C11orf58: variants seen among roughly 807,000 people sequenced by gnomAD.
C11orf58 encodes chromosome 11 open reading frame 58, also known as small acidic protein.
Under a neutral mutation model 22.7 loss-of-function variants are expected in C11orf58, and 5 were observed. The ratio of observed to expected loss-of-function variants is 0.22; its 90% CI spans 0.12 to 0.46. The LOEUF (loss-of-function observed/expected upper bound fraction) is 0.46. C11orf58 is among the 20% of genes least tolerant of loss of function. C11orf58 has a pLI of 0.99. For missense variants in C11orf58, 151 were observed against 223.3 expected (o/e 0.68, Z 2.06); for synonymous variants, 71 against 70.7 (o/e 1.00, Z -0.02).
intron 3 of C11orf58, chr11:16,751,726 C>G (rs1195582396): frequency 6.6e-6 from 1 of 152,286 alleles, no homozygotes; most frequent in African/African-American, 2.4e-5. Context: ...GGCACATGAT[C>G]ACCTATCTCA....
intron 2 of C11orf58, among the ~76,000 whole-genome samples, chr11:16,746,290 T>G (rs1848486748): frequency 6.6e-6 from 1 of 152,216 alleles, no homozygotes; most frequent in African/African-American, 2.4e-5. Context: ...TAATCGAGAT[T>G]TCCCAATTTG....
chr11:16,739,233 C>T (rs1008998684), intron 1 of C11orf58, among the ~76,000 whole-genome samples: 11 of 152,124 alleles, frequency 7.2e-5, no homozygotes, highest in African/African-American at 2.4e-4. Flanking sequence ...GTGACAATGT[C>T]GAAATGTTCG....
chr11:16,753,157 G>A (rs1326527081), intron 4 of C11orf58, among the ~76,000 whole-genome samples: 1 of 151,644 alleles, frequency 6.6e-6, no homozygotes, highest in African/African-American at 2.4e-5. Flanking sequence ...GTGGTGTGAT[G>A]TCTTCCACCT....
At position 16,744,608 on chromosome 11, in the gene C11orf58, C is replaced by G; in HGVS notation, c.71C>G (p.Ser24Cys). 6.2e-7 allele frequency: 1 copy of G among 1,613,430 alleles called. No individual in the cohort carries two copies. Among genetic ancestry groups the G allele is most frequent in the Non-Finnish European group, 8.5e-7 (1 of 1,179,718 alleles). Residue 24 changes from serine (S) to cysteine (C), a missense_variant, in exon 2 of 5, where the codon TCT becomes TGT. Transcript: ENST00000228136. ...RSASPDDDLG[S>C]SNWEAADLGN... ...AACCAATTTTTTTTCTAGCTGGGAT[C>G]TAGCAATTGGGAGGCAGCAGACTTG...
chr11:16,740,772 T>C (rs1848440966), intron 1 of C11orf58, among the ~76,000 whole-genome samples: 1 of 138,716 alleles, frequency 7.2e-6, no homozygotes, highest in Admixed American at 7.8e-5. Context: ...TTCATTAAAA[T>C]ACCTCCAAGC....
chr11:16,754,019 C>T, intron 4 of C11orf58: 1 of 428,762 alleles, frequency 2.3e-6, no homozygotes, highest in Non-Finnish European at 4.2e-6. Flanking sequence ...TAGGCGTGAA[C>T]AACAACATGC....
intron 2 of C11orf58, chr11:16,747,483 T>C (rs1848496600): frequency 6.6e-6 from 1 of 152,200 alleles, no homozygotes; most frequent in Admixed American, 6.5e-5. Context: ...GTTTAATCAG[T>C]TGGTAATATT....
At chr11:16,747,793 A>G (rs1726229956) in intron 2 of C11orf58, 1 of 180,760 alleles carries the variant, frequency 5.5e-6, no homozygotes, top group South Asian at 1.6e-4. Flanking sequence ...GATTGACTCA[A>G]TTTTCTAGTT....
intron 1 of C11orf58, among the ~76,000 whole-genome samples, chr11:16,739,774 G>T (rs1460490695): frequency 6.6e-6 from 1 of 152,092 alleles, no homozygotes; most frequent in Non-Finnish European, 1.5e-5. Context: ...GAAGATGAAG[G>T]GATATCTAGG....
chr11:16,738,951 C>T (rs1848419936), intron 1 of C11orf58, 110 bp downstream of exon 1: 1 of 1,207,766 alleles, frequency 8.3e-7, no homozygotes, highest in Admixed American at 1.9e-5. Flanking sequence ...AGCGGGAGAG[C>T]CCAGGGAAGA....
At chr11:16,741,094 TAA>T (rs10634210) in intron 1 of C11orf58, among the ~76,000 whole-genome samples, 139 of 139,072 alleles carry the variant, frequency 1.0e-3, no homozygotes, top group South Asian at 1.2e-3. Flanking sequence ...AGACTCTGTT[TAA>T]AAAAAAAAAA....
Position 16,757,538 on chromosome 11 carries a change from CTGAACA to C in C11orf58, c.*2437_*2442del, listed in dbSNP as rs1848590112. On this transcript the variant is annotated 3_prime_UTR_variant, in exon 5 of 5. Coordinates refer to ENST00000228136, the MANE Select transcript of C11orf58 (RefSeq NM_014267.6). Reference sequence around the variant, plus strand: ...TTAAACATAATGCTATCTTTTAAGCCTGAACATGTGGGTTTTTTAAATCAAATTGGA... The same window carrying C: ...TTAAACATAATGCTATCTTTTAAGCCTGTGGGTTTTTTAAATCAAATTGGA... 6.6e-6 allele frequency among the ~76,000 whole-genome samples: 1 copy of C among 152,114 alleles called. No individual in the cohort carries two copies. The highest frequency in any genetic ancestry group is 2.4e-5 in the African/African-American group (1 of 41,410).
Position 16,755,115 on chromosome 11 carries a change from C to T in C11orf58, c.*11C>T. 6.2e-7 allele frequency: 1 copy of T among 1,612,676 alleles called. No individual in the cohort carries two copies. Among genetic ancestry groups the T allele is most frequent in the Non-Finnish European group, 8.5e-7 (1 of 1,179,552 alleles). ...TCCAGTGGTTCATAACTCCCAAACG[C>T]TTAGTCTTTGTATTAAAAGTAAGCC... is the stretch of plus-strand genomic sequence containing the variant. On this transcript the variant is annotated 3_prime_UTR_variant, in exon 5 of 5. Transcript: ENST00000228136.
chr11:16,757,784 A>G lies in C11orf58; in HGVS notation c.*2680A>G, dbSNP rs911289998. 6.6e-6 allele frequency among the ~76,000 whole-genome samples: 1 copy of G among 152,218 alleles called. No homozygotes were observed. Among genetic ancestry groups the G allele is most frequent in the Non-Finnish European group, 1.5e-5 (1 of 68,042 alleles). ...ATCCATGACCTAACCGTCTATTGAA[A>G]AGAATGTTTGCAGATGCAGATTGCA... On this transcript the variant is annotated 3_prime_UTR_variant, in exon 5 of 5. Coordinates refer to ENST00000228136, the MANE Select transcript of C11orf58 (RefSeq NM_014267.6).
At position 16,746,001 on chromosome 11, in the gene C11orf58, A is replaced by G. The variant is rs552596652; in HGVS notation, c.147+1317A>G. Among the ~76,000 whole-genome samples, 28 of 152,362 alleles carry G rather than the reference A, an allele frequency of 1.8e-4. No homozygotes were observed. The South Asian group carries it at 2.1e-3, about 11-fold the overall frequency. On this transcript the variant is annotated intron_variant, in intron 2 of 4. Coordinates refer to ENST00000228136, the MANE Select transcript of C11orf58 (RefSeq NM_014267.6). ...GGATCCTGGGTGGTCATATAGATCA[A>G]TAATACATGTTTGAAGCTATTATGT...
At chr11:16,752,704 G>A (rs1341973347) in intron 3 of C11orf58, 81 bp from the exon 4 acceptor site, 1 of 928,232 alleles carries the variant, frequency 1.1e-6, no homozygotes, top group South Asian at 1.7e-5. Context: ...TCAGCCCTGA[G>A]TATAATAGCA....
chr11:16,744,050 TAAAAAAA>T (rs554214406), intron 1 of C11orf58, among the ~76,000 whole-genome samples: 1 of 108,152 alleles, frequency 9.2e-6, no homozygotes, highest in Non-Finnish European at 2.0e-5. Flanking sequence ...CTAGAACTGC[TAAAAAAA>T]AAAAAAAAAA....
At chr11:16,741,361 G>A (rs559818322) in intron 1 of C11orf58, among the ~76,000 whole-genome samples, 158 of 152,254 alleles carry the variant, frequency 1.0e-3, no homozygotes, top group Middle Eastern at 3.4e-3. Flanking sequence ...TGTAGTAAAG[G>A]GTATTAAGGA....
chr11:16,738,917 G>C, intron 1 of C11orf58, 76 bp downstream of exon 1: 4 of 1,553,790 alleles, frequency 2.6e-6, no homozygotes, highest in Non-Finnish European at 3.5e-6. Context: ...GTGGTTGGAG[G>C]AGGACGCGCC....
Sources: gnomAD v4.1 joint callset for allele counts (sites outside exome capture counted in the v4.1 genomes callset) on GRCh38, gnomAD v4.1.1 for gene constraint, MANE v1.5 for transcripts, NCBI Gene and HGNC (gene_info 2026-07-23, HGNC 2026-07-21) for gene names.